FAM20A: variants seen among roughly 807,000 people sequenced by gnomAD.
FAM20A encodes the protein FAM20A golgi associated secretory pathway pseudokinase, also known as pseudokinase FAM20A.
In FAM20A, 42 loss-of-function variants were observed where a neutral mutation model predicts 52.0. That is an observed-to-expected ratio of 0.81 (90% confidence interval 0.63 to 1.04). The LOEUF is 1.04. FAM20A is among the 50% of genes least tolerant of loss of function. FAM20A has a pLI of 0.00. For missense variants in FAM20A, 742 were observed against 712.7 expected (o/e 1.04, Z -0.47); for synonymous variants, 304 against 298.9 (o/e 1.02, Z -0.18).
intron 9 of FAM20A, 26 bp from the exon 10 acceptor site, chr17:68,539,422 G>A (rs1177062391): frequency 6.2e-7 from 1 of 1,610,146 alleles, no homozygotes; most frequent in Admixed American, 1.7e-5. Context: ...GGCTTTTATG[G>A]GTGGCCGGCA....
At chr17:68,589,346 G>T (rs2088241285) in intron 1 of FAM20A, among the ~76,000 whole-genome samples, 1 of 152,334 alleles carries the variant, frequency 6.6e-6, no homozygotes, top group East Asian at 1.9e-4. Flanking sequence ...GCTGAACCCA[G>T]CCAGAAGTGC....
At chr17:68,586,053 C>T (rs2088157641) in intron 1 of FAM20A, among the ~76,000 whole-genome samples, 1 of 152,180 alleles carries the variant, frequency 6.6e-6, no homozygotes, top group South Asian at 2.1e-4. Context: ...GGTGGCTCCT[C>T]CCCACCAAGC....
chr17:68,579,013 C>CAA (rs377749546), intron 1 of FAM20A, among the ~76,000 whole-genome samples: 21,448 of 103,074 alleles, frequency 0.21, 1,913 homozygotes, highest in East Asian at 0.39. Context: ...GACTCTGTTT[C>CAA]AAAAAAAAAA....
At chr17:68,542,606 G>T (rs2086353588) in intron 6 of FAM20A, 88 bp downstream of exon 6, 4 of 976,706 alleles carry the variant, frequency 4.1e-6, no homozygotes, top group Non-Finnish European at 6.6e-6. Context: ...GCTAGCAGCA[G>T]GGTGTCAGGC....
chr17:68,587,955 G>A (rs1344851897), intron 1 of FAM20A, among the ~76,000 whole-genome samples: 1 of 152,116 alleles, frequency 6.6e-6, no homozygotes, highest in Non-Finnish European at 1.5e-5. Flanking sequence ...GTATTATGTT[G>A]GTTAATATGA....
intron 1 of FAM20A, among the ~76,000 whole-genome samples, chr17:68,563,173 A>G (rs1238704796): frequency 6.6e-6 from 1 of 151,864 alleles, no homozygotes; most frequent in Non-Finnish European, 1.5e-5. Flanking sequence ...ATCACCTGAG[A>G]TCAGGAGTTC....
Position 68,555,644 on chromosome 17 carries a change from A to T in FAM20A, c.504T>A (p.Ile168=). The change falls in exon 2 of 11, where the codon ATT becomes ATA. Residue 168 remains isoleucine, a synonymous_variant. Coordinates refer to ENST00000592554, the MANE Select transcript of FAM20A (RefSeq NM_017565.4). ...ACCGGGAGTAGAGCCCATGGCGGTT[A>T]ATACCCAGGTGGAACTGGACCCAGC... ...EASWVQFHLG[I]NRHGLYSRSS... 6.2e-7 allele frequency: 1 copy of T among 1,613,808 alleles called. No homozygotes were observed. Among genetic ancestry groups the T allele is most frequent in the Non-Finnish European group, 8.5e-7 (1 of 1,180,032 alleles).
At chr17:68,551,689 A>ATTATTG (rs1298892151) in intron 4 of FAM20A, among the ~76,000 whole-genome samples, 184 bp downstream of exon 4, 1 of 3,430 alleles carries the variant, frequency 2.9e-4, no homozygotes, top group African/African-American at 1.1e-3. Flanking sequence ...AGTATTTTCA[A>ATTATTG]TTATTATTAT....
Position 68,600,375 on chromosome 17 carries a change from G to A in FAM20A, c.292C>T (p.His98Tyr), listed in dbSNP as rs753118803. The change falls in exon 1 of 11, where the codon CAC becomes TAC. Residue 98 changes from histidine (H) to tyrosine (Y), a missense_variant. Coordinates refer to ENST00000592554, the MANE Select transcript of FAM20A (RefSeq NM_017565.4). The surrounding 1 kb of genome is among the most constrained non-coding windows in gnomAD (Gnocchi z 6.2). The stretch of plus-strand genomic sequence containing the variant: ...TCCTCCGGGACGTTGTACAGCGGGT[G>A]GGCGAAGAGGGCCTGCAACTTGGAG... ...SSSKLQALFA[H>Y]PLYNVPEEPP... 9 of 1,606,388 alleles carry A rather than the reference G, an allele frequency of 5.6e-6. No homozygotes were observed. The African/African-American group carries it at 9.4e-5, about 17-fold the overall frequency.
At position 68,537,798 on chromosome 17, in the gene FAM20A, T is replaced by C; in HGVS notation, c.1362-57A>G. ...GCAAATGTAAAGAAAATAACTTGCC[T>C]GAACTTCTTTCCCCACAAACAGCTG... On this transcript the variant is annotated intron_variant, in intron 10 of 10. Coordinates refer to ENST00000592554, the MANE Select transcript of FAM20A (RefSeq NM_017565.4). The surrounding 1 kb of genome is among the most constrained non-coding windows in gnomAD (Gnocchi z 4.2). 1 of 1,551,748 alleles carries C rather than the reference T, an allele frequency of 6.4e-7. No individual in the cohort carries two copies. The highest frequency in any genetic ancestry group is 8.7e-7 in the Non-Finnish European group (1 of 1,145,228).
At position 68,542,777 on chromosome 17, in the gene FAM20A, A is replaced by G. The variant is rs770088753; in HGVS notation, c.845T>C (p.Val282Ala). The change falls in exon 6 of 11, where the codon GTG becomes GCG. Residue 282 changes from valine to alanine, a missense_variant. Coordinates refer to ENST00000592554, the MANE Select transcript of FAM20A (RefSeq NM_017565.4). The stretch of plus-strand genomic sequence containing the variant: ...CTTGGTGACATTTACTATCCTCCCC[A>G]CTGTTGGCGGCACCCGTCGGAAGTC... The part of the protein sequence containing the change: ...ILDFRRVPPT[V>A]GRIVNVTKEI... 2.5e-6 allele frequency: 4 copies of G among 1,614,026 alleles called. No individual in the cohort carries two copies. The highest frequency in any genetic ancestry group is 2.2e-5 in the South Asian group (2 of 91,070).
intron 1 of FAM20A, among the ~76,000 whole-genome samples, chr17:68,562,474 G>A (rs1023983045): frequency 9.9e-5 from 15 of 152,134 alleles, no homozygotes; most frequent in Non-Finnish European, 2.2e-4. Context: ...GGTGCTCCTT[G>A]GGGGTATGCA....
rs1410881605 is a variant in FAM20A at position 68,535,689 on chromosome 17, T to C, written c.*1788A>G. ...AAAAAATTTTTTTTTTTTTGTATTTTTTTGTAGAGACAGGGTTTTGTCATG... is the reference window on the plus strand; with the variant it reads ...AAAAAATTTTTTTTTTTTTGTATTTCTTTGTAGAGACAGGGTTTTGTCATG... On this transcript the variant is annotated 3_prime_UTR_variant, in exon 11 of 11. Transcript: ENST00000592554. 2.2e-6 allele frequency: 1 copy of C among 447,638 alleles called. No homozygotes were observed. Among genetic ancestry groups the C allele is most frequent in the Non-Finnish European group, 4.4e-6 (1 of 225,272 alleles). 27.7% of individuals were successfully genotyped at this position (447,638 alleles called of 1,614,324 possible). A position where few individuals can be genotyped will look rare whatever the true frequency, so the allele number is the denominator to read the frequency against.
chr17:68,560,126 G>A lies in FAM20A; in HGVS notation c.405-4383C>T, dbSNP rs903045181. ...ATATCCTGTATTTTTAGTAGAGATG[G>A]GTTTCACCATGTTGGCCAGATGGTC... On this transcript the variant is annotated intron_variant, in intron 1 of 10. Transcript: ENST00000592554. Among the ~76,000 whole-genome samples the A allele has an allele frequency of 2.0e-5, 3 of 152,058 alleles. No individual in the cohort carries two copies. In the East Asian group the frequency reaches 5.8e-4, roughly 29 times the overall value.
intron 1 of FAM20A, chr17:68,557,425 A>C (rs1173306682): frequency 6.6e-6 from 1 of 152,060 alleles, no homozygotes; most frequent in African/African-American, 2.4e-5. Flanking sequence ...GGTAGCCCTC[A>C]TGAATGGGAT....
chr17:68,549,229 T>C (rs1329097083), intron 4 of FAM20A, among the ~76,000 whole-genome samples: 1 of 152,102 alleles, frequency 6.6e-6, no homozygotes, highest in African/African-American at 2.4e-5. Flanking sequence ...GTGCATTGGC[T>C]CACGCCTGGA....
chr17:68,575,424 T>C (rs958554753), intron 1 of FAM20A, among the ~76,000 whole-genome samples: 1 of 121,968 alleles, frequency 8.2e-6, no homozygotes, highest in African/African-American at 3.2e-5. Flanking sequence ...TCACTTTATA[T>C]ATATTATATA....
rs1173432965 is a variant in FAM20A, at chr17:68,600,387, C to T, written c.280G>A (p.Ala94Thr). 3.1e-6 allele frequency: 5 copies of T among 1,608,078 alleles called. No individual in the cohort carries two copies. The highest frequency in any genetic ancestry group is 4.2e-6 in the Non-Finnish European group (5 of 1,178,078). Residue 94 changes from alanine (A) to threonine (T), a missense_variant, in exon 1 of 11, where the codon GCC becomes ACC. Physicochemically the swap from Ala to Thr is moderately conservative, Grantham distance 58. Transcript: ENST00000592554. The surrounding 1 kb of genome is among the most constrained non-coding windows in gnomAD (Gnocchi z 6.2). ...SHSGSSSKLQ[A>T]LFAHPLYNVP... is the part of the protein sequence containing the mutation. ...TTGTACAGCGGGTGGGCGAAGAGGG[C>T]CTGCAACTTGGAGCTCGACCCGCTG...
intron 1 of FAM20A, among the ~76,000 whole-genome samples, chr17:68,559,026 G>A (rs1662447539): frequency 6.6e-6 from 1 of 152,296 alleles, no homozygotes; most frequent in East Asian, 1.9e-4. Flanking sequence ...CCAAAGAGCT[G>A]GAATTACAGG....
Sources: gnomAD v4.1 joint callset for allele counts (sites outside exome capture counted in the v4.1 genomes callset) on GRCh38, gnomAD v4.1.1 for gene constraint, Gnocchi (gnomAD v3.1) non-coding constraint, MANE v1.5 for transcripts, NCBI Gene and HGNC (gene_info 2026-07-23, HGNC 2026-07-21) for gene names.